Variants in CTAGE15 observed in about 807,000 individuals in gnomAD.
CTAGE15 encodes CTAGE family member 15.
CTAGE15 carries 1 observed loss-of-function variant against 29.7 expected under a neutral mutation model. That is an observed-to-expected ratio of 0.03 (90% CI 0.01 to 0.16). The LOEUF (loss-of-function observed/expected upper bound fraction) is 0.16. Ranked by LOEUF, CTAGE15 falls within the 10% of genes least tolerant of loss-of-function variation. The pLI is 1.00. For missense variants in CTAGE15, 31 were observed against 391.1 expected (o/e 0.08, Z 7.77); for synonymous variants, 8 against 139.7 (o/e 0.06, Z 6.65).
chr7:143,573,008 ACT>A lies in CTAGE15; in HGVS notation c.1194_1195del (p.Tyr399GlnfsTer19), dbSNP rs759140961. On this transcript the variant is annotated frameshift_variant, in exon 1 of 1. Transcript: ENST00000420911. LOFTEE classifies it high-confidence loss of function. ...TEFYQENEMKLYRKLTVEENY... is the reference protein window; with the variant it reads ...TEFYQENEMKXYRKLTVEENY... Reference sequence around the variant, plus strand: ...AATTCTATCAAGAAAATGAAATGAAACTCTACAGGAAATTAACAGTGGAGGAA... The same window carrying A: ...AATTCTATCAAGAAAATGAAATGAAACTACAGGAAATTAACAGTGGAGGAA... The A allele has an allele frequency of 4.5e-6, 6 of 1,344,972 alleles. 1 individual carries two copies. Among genetic ancestry groups the A allele is most frequent in the East Asian group, 5.1e-5 (2 of 39,032 alleles). 83.3% of individuals were successfully genotyped at this position (1,344,972 alleles called of 1,614,324 possible).
chr7:143,572,911 CT>C lies in CTAGE15; in HGVS notation c.1097del (p.Leu366CysfsTer21), dbSNP rs1808423041. On this transcript the variant is annotated frameshift_variant, in exon 1 of 1. Transcript: ENST00000420911. LOFTEE classifies it high-confidence loss of function. ...AAAAATCTTCAGACTCAACAAGCAT[CT>C]TTGCAATCAGAAAACATATATTTTG... ...HIKNLQTQQA[S>X]LQSENIYFES... The C allele has an allele frequency of 7.7e-7, 1 of 1,291,976 alleles. No homozygotes were observed. The highest frequency in any genetic ancestry group is 1.9e-5 in the African/African-American group (1 of 52,660). The allele number at this position is 1,291,976 out of a possible 1,614,324, so 80.0% of individuals were successfully genotyped here.
At position 143,572,997 on chromosome 7, in the gene CTAGE15, A is replaced by G. The variant is rs776788665; in HGVS notation, c.1180A>G (p.Asn394Asp). 6.6e-5 allele frequency: 88 copies of G among 1,330,990 alleles called. 7 individuals carry two copies. The highest frequency in any genetic ancestry group is 2.6e-4 in the Middle Eastern group (1 of 3,822). 82.4% of individuals were successfully genotyped at this position (1,330,990 alleles called of 1,614,324 possible). Residue 394 changes from asparagine (N) to aspartate (D), a missense_variant, in exon 1 of 1, where the codon AAT (asparagine) becomes GAT (aspartate). Physicochemically the swap from Asn to Asp is conservative, Grantham distance 23. Transcript: ENST00000420911. ...LKIMTEFYQENEMKLYRKLTV... is the reference protein window; with the variant it reads ...LKIMTEFYQEDEMKLYRKLTV... ...AATAATGACTGAATTCTATCAAGAA[A>G]ATGAAATGAAACTCTACAGGAAATT...
Position 143,572,280 on chromosome 7 carries a change from G to GAGAAATCTAAAGACTTAAAAC in CTAGE15, c.464_465insGAAATCTAAAGACTTAAAACA (p.Glu155_Glu156insLysSerLysAspLeuLysGln). ...CCTCTGTCTAGAAAAAGACTTAAAA[G>GAGAAATCTAAAGACTTAAAAC]AAGAGAAATCTAAACATTCTCAACA... On this transcript the variant is annotated inframe_insertion, in exon 1 of 1. Transcript: ENST00000420911. The GAGAAATCTAAAGACTTAAAAC allele has an allele frequency of 2.6e-6, 1 of 390,292 alleles. No individual in the cohort carries two copies. The highest frequency in any genetic ancestry group is 4.3e-6 in the Non-Finnish European group (1 of 231,366). The allele number at this position is 390,292 out of a possible 1,614,324, so 24.2% of individuals were successfully genotyped here.
Sources: gnomAD v4.1 joint callset for allele counts on GRCh38, gnomAD v4.1.1 for gene constraint, MANE v1.5 for transcripts, NCBI Gene and HGNC (gene_info 2026-07-23, HGNC 2026-07-21) for gene names.